Variants in CYSTM1 observed in about 807,000 individuals in gnomAD.
CYSTM1 encodes cysteine-rich transmembrane module-containing protein 1.
A neutral mutation model predicts 13.1 loss-of-function variants in CYSTM1; 4 were observed. That is an observed-to-expected ratio of 0.31 (90% CI 0.15 to 0.70). The LOEUF is 0.70. Among genes scored for constraint, CYSTM1 ranks in the 30% least tolerant of loss-of-function variants. The pLI, the probability that CYSTM1 is intolerant of heterozygous loss-of-function variation, is 0.72. For missense variants in CYSTM1, 96 were observed against 121.6 expected (o/e 0.79, Z 0.99); for synonymous variants, 36 against 42.7 (o/e 0.84, Z 0.62).
chr5:140,196,254 A>G (rs1764155937), intron 2 of CYSTM1, among the ~76,000 whole-genome samples: 1 of 152,236 alleles, frequency 6.6e-6, no homozygotes, highest in Admixed American at 6.5e-5. Context: ...CAAAATCTGT[A>G]CCTATAATTT....
At chr5:140,226,842 T>C (rs1175341673) in intron 2 of CYSTM1, among the ~76,000 whole-genome samples, 1 of 150,426 alleles carries the variant, frequency 6.6e-6, no homozygotes, top group Non-Finnish European at 1.5e-5. Context: ...CTGCTGATGC[T>C]GAGAGAAGGC....
At chr5:140,240,824 A>G (rs1764738924) in intron 2 of CYSTM1, among the ~76,000 whole-genome samples, 1 of 152,234 alleles carries the variant, frequency 6.6e-6, no homozygotes, top group South Asian at 2.1e-4. Flanking sequence ...CGACTGAAGC[A>G]AGGAAAACGC....
intron 1 of CYSTM1, among the ~76,000 whole-genome samples, chr5:140,184,676 A>G (rs1763995968): frequency 1.3e-5 from 2 of 152,064 alleles, no homozygotes; most frequent in Admixed American, 1.3e-4. Context: ...TTTTCCCAGG[A>G]ATGTTTATAA....
intron 2 of CYSTM1, among the ~76,000 whole-genome samples, chr5:140,225,147 A>G (rs1028262020): frequency 1.3e-5 from 2 of 152,236 alleles, no homozygotes; most frequent in African/African-American, 4.8e-5. Context: ...ATGCCACTGC[A>G]CTTCAGCCTG....
At chr5:140,243,210 C>G in intron 2 of CYSTM1, 95 bp from the exon 3 acceptor site, 1 of 950,860 alleles carries the variant, frequency 1.1e-6, no homozygotes, top group Non-Finnish European at 1.7e-6. Context: ...TAGTTTTCCC[C>G]TGGTGTAGCC....
chr5:140,196,465 A>G (rs1274229532), intron 2 of CYSTM1, among the ~76,000 whole-genome samples: 9 of 152,244 alleles, frequency 5.9e-5, no homozygotes, highest in Non-Finnish European at 1.2e-4. Context: ...GGAAAAGATT[A>G]TACTTTTATA....
At chr5:140,237,122 A>G (rs1406285275) in intron 2 of CYSTM1, among the ~76,000 whole-genome samples, 1 of 152,150 alleles carries the variant, frequency 6.6e-6, no homozygotes, top group Non-Finnish European at 1.5e-5. Context: ...GCTGAGGGGC[A>G]TTCACTCGGA....
At chr5:140,188,345 C>T (rs1358966337) in intron 1 of CYSTM1, among the ~76,000 whole-genome samples, 3 of 152,080 alleles carry the variant, frequency 2.0e-5, no homozygotes, top group African/African-American at 7.2e-5. Context: ...GTCTCAGCCT[C>T]CCAAGTCACT....
chr5:140,217,942 G>A (rs1287791454), intron 2 of CYSTM1, among the ~76,000 whole-genome samples: 1 of 152,194 alleles, frequency 6.6e-6, no homozygotes, highest in African/African-American at 2.4e-5. Flanking sequence ...ATTAGGAGCT[G>A]AGGGTCCCCA....
intron 2 of CYSTM1, among the ~76,000 whole-genome samples, chr5:140,231,650 C>T (rs1764618428): frequency 1.3e-5 from 2 of 152,184 alleles, no homozygotes; most frequent in Admixed American, 1.3e-4. Flanking sequence ...AAGGCTTCCC[C>T]AAGGCAGTGA....
chr5:140,236,558 T>G (rs1300785863), intron 2 of CYSTM1, among the ~76,000 whole-genome samples: 1 of 152,238 alleles, frequency 6.6e-6, no homozygotes, highest in Non-Finnish European at 1.5e-5. Context: ...TCTCTGTAAA[T>G]TGAGAGCTTG....
rs888787595 is a variant in CYSTM1 at position 140,239,198 on chromosome 5, G to C, written c.188-4107G>C. 3.9e-5 allele frequency among the ~76,000 whole-genome samples: 6 copies of C among 152,208 alleles called. No homozygotes were observed. The highest frequency in any genetic ancestry group is 7.3e-5 in the Non-Finnish European group (5 of 68,036). On this transcript the variant is annotated intron_variant, in intron 2 of 2. Transcript: ENST00000261811. The surrounding 1 kb of genome is among the most constrained non-coding windows in gnomAD (Gnocchi z 5.4). Reference sequence around the variant, plus strand: ...TCATCATTTACAAAGTCCCAGCCATGCAGATGAAGGTTTCAGATGCCAGAA... The same window carrying C: ...TCATCATTTACAAAGTCCCAGCCATCCAGATGAAGGTTTCAGATGCCAGAA...
chr5:140,196,330 C>T (rs1307045678), intron 2 of CYSTM1, among the ~76,000 whole-genome samples: 1 of 152,154 alleles, frequency 6.6e-6, no homozygotes, highest in Non-Finnish European at 1.5e-5. Flanking sequence ...AATTTAGTGA[C>T]TTATGCTTCC....
chr5:140,243,162 C>A, intron 2 of CYSTM1, 143 bp from the exon 3 acceptor site: 1 of 669,184 alleles, frequency 1.5e-6, no homozygotes, highest in Non-Finnish European at 2.6e-6. Context: ...CATTCAGCAG[C>A]AGCAATGGCA....
intron 2 of CYSTM1, among the ~76,000 whole-genome samples, chr5:140,232,354 A>G (rs562546782): frequency 6.6e-6 from 1 of 152,264 alleles, no homozygotes; most frequent in African/African-American, 2.4e-5. Context: ...GATCATTGAA[A>G]CTGTGGCCGT....
chr5:140,229,662 G>GTTAT (rs1297206292), intron 2 of CYSTM1, among the ~76,000 whole-genome samples: 1 of 151,700 alleles, frequency 6.6e-6, no homozygotes, highest in Non-Finnish European at 1.5e-5. Flanking sequence ...ATAGTCGTTA[G>GTTAT]TCCACCTGAT....
At chr5:140,242,884 G>GC (rs965262333) in intron 2 of CYSTM1, among the ~76,000 whole-genome samples, 122 of 152,302 alleles carry the variant, frequency 8.0e-4, no homozygotes, top group African/African-American at 2.8e-3. Flanking sequence ...AGGGTTTAAA[G>GC]CCCCCCTTTA....
At chr5:140,209,613 A>C (rs1280245446) in intron 2 of CYSTM1, among the ~76,000 whole-genome samples, 1 of 141,984 alleles carries the variant, frequency 7.0e-6, no homozygotes, top group Non-Finnish European at 1.6e-5. Context: ...TATTTTTAGT[A>C]AAGGCGGGGT....
At chr5:140,225,709 G>A (rs1454134167) in intron 2 of CYSTM1, among the ~76,000 whole-genome samples, 1 of 152,230 alleles carries the variant, frequency 6.6e-6, no homozygotes, top group Non-Finnish European at 1.5e-5. Flanking sequence ...CTGTGTGTGA[G>A]CTGGAGTGAA....
Sources: allele counts gnomAD v4.1 joint callset (sites outside exome capture counted in the v4.1 genomes callset), GRCh38; gene constraint gnomAD v4.1.1; non-coding constraint Gnocchi (gnomAD v3.1); transcripts MANE v1.5; gene names NCBI Gene and HGNC (gene_info 2026-07-23, HGNC 2026-07-21).